Variants in PARD3 observed in about 807,000 individuals in gnomAD.
PARD3 encodes the protein partitioning defective 3 homolog.
PARD3 carries 75 observed loss-of-function variants against 155.4 expected under a neutral mutation model. That is an observed-to-expected ratio of 0.48 (90% confidence interval 0.40 to 0.58). The LOEUF (loss-of-function observed/expected upper bound fraction) is 0.58, where lower values mean the gene tolerates loss of function less well. PARD3 is among the 20% of genes least tolerant of loss of function. The pLI is 0.00. For missense variants in PARD3, 1,642 were observed against 1,721.7 expected (o/e 0.95, Z 0.82); for synonymous variants, 576 against 610.5 (o/e 0.94, Z 0.83).
Position 34,395,843 on chromosome 10 carries a change from CAAAAAAAAAAAAAA to C in PARD3, c.890+3473_890+3486del, listed in dbSNP as rs1173283584. Among the ~76,000 whole-genome samples the C allele has an allele frequency of 1.7e-4, 4 of 23,298 alleles. 2 individuals carry two copies. Among genetic ancestry groups the C allele is most frequent in the Non-Finnish European group, 2.3e-4 (4 of 17,420 alleles). 15.3% of individuals were successfully genotyped at this position (23,298 alleles called of 152,430 possible). A position where few individuals can be genotyped will look rare whatever the true frequency, so the allele number is the denominator to read the frequency against. On this transcript the variant is annotated intron_variant, in intron 7 of 24. Coordinates refer to ENST00000374788, the MANE Select transcript of PARD3 (RefSeq NM_001184785.2). ...TGGGCGACAGAGCGAGACTCCGTCT[CAAAAAAAAAAAAAA>C]AAAAAAAAAAGAAAAACATCATCAT...
At chr10:34,335,179 G>A (rs1589219313) in intron 18 of PARD3, among the ~76,000 whole-genome samples, 1 of 151,962 alleles carries the variant, frequency 6.6e-6, no homozygotes, top group Admixed American at 6.6e-5. Flanking sequence ...ATAAGGCTAC[G>A]GTTAACTGCC....
intron 22 of PARD3, among the ~76,000 whole-genome samples, chr10:34,260,290 A>G (rs985340110): frequency 6.6e-6 from 1 of 152,146 alleles, no homozygotes; most frequent in Non-Finnish European, 1.5e-5. Flanking sequence ...TTTTCTTTTT[A>G]AACAGTATGG....
At chr10:34,177,386 T>C (rs1036045688) in intron 22 of PARD3, among the ~76,000 whole-genome samples, 4 of 152,100 alleles carry the variant, frequency 2.6e-5, no homozygotes, top group African/African-American at 4.8e-5. Context: ...AGAGCTTTCA[T>C]TTTCATTCAT....
intron 12 of PARD3, among the ~76,000 whole-genome samples, chr10:34,367,629 G>C (rs545570394): frequency 1.3e-5 from 2 of 152,310 alleles, no homozygotes; most frequent in Admixed American, 1.3e-4. Flanking sequence ...GCTTGAGCCT[G>C]GGCGAGAAGG....
chr10:34,450,760 G>A (rs2077013905), intron 4 of PARD3, among the ~76,000 whole-genome samples: 4 of 152,112 alleles, frequency 2.6e-5, no homozygotes, highest in Admixed American at 1.3e-4. Flanking sequence ...ACACCAAAAA[G>A]TGAAAAGTAC....
intron 1 of PARD3, among the ~76,000 whole-genome samples, chr10:34,773,633 C>T (rs1342470736): frequency 6.6e-6 from 1 of 152,174 alleles, no homozygotes; most frequent in Non-Finnish European, 1.5e-5. Flanking sequence ...GTATGTTAAT[C>T]ATTTTTGGTT....
intron 22 of PARD3, among the ~76,000 whole-genome samples, chr10:34,203,019 C>T (rs1190324010): frequency 6.6e-6 from 1 of 152,182 alleles, no homozygotes; most frequent in Non-Finnish European, 1.5e-5. Context: ...CAAATGGGCA[C>T]AGTTACCTTT....
intron 21 of PARD3, among the ~76,000 whole-genome samples, chr10:34,273,784 C>A (rs2133876955): frequency 6.6e-6 from 1 of 152,198 alleles, no homozygotes; most frequent in South Asian, 2.1e-4. Flanking sequence ...TTTGCATTTT[C>A]CTTGTTTCTT....
chr10:34,574,518 A>G (rs1208567229), intron 2 of PARD3, among the ~76,000 whole-genome samples: 18 of 152,228 alleles, frequency 1.2e-4, no homozygotes, highest in Admixed American at 1.2e-3. Flanking sequence ...TGCAAAATCC[A>G]AAGTTACATG....
chr10:34,418,190 G>A (rs1337285037), intron 5 of PARD3, among the ~76,000 whole-genome samples: 1 of 152,030 alleles, frequency 6.6e-6, no homozygotes, highest in African/African-American at 2.4e-5. Context: ...GATATTTACT[G>A]TTTGAGGCGT....
chr10:34,369,146 T>C (rs1414377441), intron 12 of PARD3, among the ~76,000 whole-genome samples: 2 of 152,052 alleles, frequency 1.3e-5, no homozygotes, highest in African/African-American at 2.4e-5. Context: ...AGGTTAATTC[T>C]TTGTTCCTCC....
chr10:34,321,695 T>G (rs929294539), intron 19 of PARD3, among the ~76,000 whole-genome samples: 1 of 152,236 alleles, frequency 6.6e-6, no homozygotes, highest in Non-Finnish European at 1.5e-5. Flanking sequence ...TTTCAACAGA[T>G]GCAAATGGAG....
intron 1 of PARD3, among the ~76,000 whole-genome samples, chr10:34,722,627 G>A (rs1301215515): frequency 6.6e-6 from 1 of 152,082 alleles, no homozygotes; most frequent in Non-Finnish European, 1.5e-5. Flanking sequence ...CACTTCCTGC[G>A]CACACTTGCC....
At chr10:34,464,048 A>G (rs1265285156) in intron 4 of PARD3, among the ~76,000 whole-genome samples, 1 of 151,918 alleles carries the variant, frequency 6.6e-6, no homozygotes, top group Non-Finnish European at 1.5e-5. Context: ...GCAAGGCATG[A>G]CTATATTCCT....
At chr10:34,167,061 G>C (rs1949564264) in intron 22 of PARD3, among the ~76,000 whole-genome samples, 1 of 152,086 alleles carries the variant, frequency 6.6e-6, no homozygotes, top group Non-Finnish European at 1.5e-5. Context: ...AAAGAGTTAC[G>C]CCTGCTGCAG....
chr10:34,562,577 G>GA (rs2134074421), intron 2 of PARD3, among the ~76,000 whole-genome samples: 1 of 152,194 alleles, frequency 6.6e-6, no homozygotes, highest in African/African-American at 2.4e-5. Flanking sequence ...CTTCGTGTCA[G>GA]AAATTTCATG....
intron 22 of PARD3, among the ~76,000 whole-genome samples, chr10:34,219,226 T>G (rs1273754378): frequency 6.6e-6 from 1 of 152,184 alleles, no homozygotes; most frequent in Non-Finnish European, 1.5e-5. Flanking sequence ...AAGGCGGTCT[T>G]AGGAGGCTGA....
intron 2 of PARD3, among the ~76,000 whole-genome samples, chr10:34,539,148 T>A (rs902784587): frequency 3.9e-5 from 6 of 152,130 alleles, no homozygotes; most frequent in Admixed American, 2.6e-4. Flanking sequence ...TGACACATAT[T>A]CCATATTACC....
intron 1 of PARD3, among the ~76,000 whole-genome samples, chr10:34,755,246 TA>T (rs376176701): frequency 7.3e-3 from 986 of 135,242 alleles, no homozygotes; most frequent in Admixed American, 8.9e-3. Flanking sequence ...TACTAAAAAT[TA>T]AAAAAAAAAA....
Sources: gnomAD v4.1 joint callset for allele counts (sites outside exome capture counted in the v4.1 genomes callset) on GRCh38, gnomAD v4.1.1 for gene constraint, MANE v1.5 for transcripts, NCBI Gene and HGNC (gene_info 2026-07-23, HGNC 2026-07-21) for gene names.